The following TBC1D1 variants were observed in gnomAD, a reference collection of about 807,000 sequenced individuals.
TBC1D1 encodes TBC1 (tre-2/USP6, BUB2, cdc16) domain family, member 1.
In TBC1D1, 89 loss-of-function variants were observed where a neutral mutation model predicts 125.6. The ratio of observed to expected loss-of-function variants is 0.71; its 90% confidence interval spans 0.60 to 0.85. The LOEUF is 0.85. Among genes scored for constraint, TBC1D1 ranks in the 40% least tolerant of loss-of-function variants. The pLI is 0.00. For missense variants in TBC1D1, 1,377 were observed against 1,469.2 expected, an observed-to-expected ratio of 0.94 and a Z score of 1.03; for synonymous variants, 565 against 564.1, an observed-to-expected ratio of 1.00 and a Z score of -0.02.
intron 2 of TBC1D1, among the ~76,000 whole-genome samples, chr4:37,925,638 G>T (rs529900597): frequency 2.9e-4 from 43 of 146,248 alleles, no homozygotes; most frequent in African/African-American, 1.1e-3. Flanking sequence ...AGCTAAGATC[G>T]CGCCACTGCA....
intron 2 of TBC1D1, among the ~76,000 whole-genome samples, chr4:37,928,459 T>G (rs530951313): frequency 2.2e-3 from 170 of 78,906 alleles, no homozygotes; most frequent in African/African-American, 4.5e-3. Flanking sequence ...GAAGCTTAGG[T>G]TTTTTTTTGA....
intron 12 of TBC1D1, among the ~76,000 whole-genome samples, chr4:38,087,865 A>G (rs952761309): frequency 4.1e-5 from 5 of 122,948 alleles, no homozygotes; most frequent in East Asian, 4.3e-4. Context: ...AAAAAAAAGA[A>G]AAAAAAAAAA....
intron 11 of TBC1D1, among the ~76,000 whole-genome samples, chr4:38,051,210 T>C (rs1750473881): frequency 6.6e-6 from 1 of 152,192 alleles, no homozygotes; most frequent in African/African-American, 2.4e-5. Flanking sequence ...AATGTAGCTT[T>C]ATAATAGATG....
intron 17 of TBC1D1, among the ~76,000 whole-genome samples, chr4:38,122,080 T>G (rs1356886849): frequency 6.6e-6 from 1 of 152,284 alleles, no homozygotes; most frequent in African/African-American, 2.4e-5. Flanking sequence ...TCTCCGGCCT[T>G]GGAGGGTTGG....
In TBC1D1 at chr4:37,936,952, T is replaced by C. The variant is rs115964045; in HGVS notation, c.417+34440T>C. 4.3e-3 allele frequency among the ~76,000 whole-genome samples: 655 copies of C among 152,344 alleles called. 2 individuals are homozygous for C. The highest frequency in any genetic ancestry group is 0.015 in the African/African-American group (621 of 41,580). ...CCAACCCTGGCAGAAAGAGAATTTA[T>C]TGGACATACATAGGGCAGTTCACAG... On this transcript the variant is annotated intron_variant, in intron 2 of 19. Coordinates refer to ENST00000261439, the MANE Select transcript of TBC1D1 (RefSeq NM_015173.4).
At chr4:37,895,917 C>G (rs1380365085) in intron 1 of TBC1D1, among the ~76,000 whole-genome samples, 3 of 152,086 alleles carry the variant, frequency 2.0e-5, no homozygotes, top group Non-Finnish European at 4.4e-5. Flanking sequence ...ACACACTGCT[C>G]CCGTTGGGGT....
chr4:37,894,681 G>A (rs1714159938), intron 1 of TBC1D1, among the ~76,000 whole-genome samples: 1 of 152,128 alleles, frequency 6.6e-6, no homozygotes, highest in African/African-American at 2.4e-5. Context: ...TACACAGTGA[G>A]CACTCAATAT....
intron 17 of TBC1D1, chr4:38,118,485 T>C (rs950245410): frequency 3.9e-5 from 12 of 307,546 alleles, no homozygotes; most frequent in African/African-American, 2.6e-4. Flanking sequence ...TTTGGAGGAC[T>C]TGGCTGAGGA....
intron 19 of TBC1D1, among the ~76,000 whole-genome samples, chr4:38,136,599 G>A (rs1262712190): frequency 6.6e-6 from 1 of 152,130 alleles, no homozygotes; most frequent in East Asian, 1.9e-4. Flanking sequence ...CAGATTAGAG[G>A]ATTGTTACCA....
chr4:37,984,222 C>T (rs1371969576), intron 2 of TBC1D1, among the ~76,000 whole-genome samples: 1 of 152,146 alleles, frequency 6.6e-6, no homozygotes. Context: ...CTACTATAAA[C>T]ATCTCTGTGT....
At chr4:38,102,281 T>C (rs1012749937) in intron 14 of TBC1D1, among the ~76,000 whole-genome samples, 3 of 152,156 alleles carry the variant, frequency 2.0e-5, no homozygotes, top group Non-Finnish European at 4.4e-5. Flanking sequence ...AGCTTCTCTT[T>C]CATCTGAGCT....
Position 37,997,425 on chromosome 4 carries a change from C to T in TBC1D1, c.418-17084C>T, listed in dbSNP as rs528499219. ...ATTTGGGGGCACTTAGAACTGTATG[C>T]CGTTTCACTTGTACATTAAAAGAGT... On this transcript the variant is annotated intron_variant, in intron 2 of 19. Coordinates refer to ENST00000261439, the MANE Select transcript of TBC1D1 (RefSeq NM_015173.4). Among the ~76,000 whole-genome samples, 79 of 152,242 alleles carry T rather than the reference C, an allele frequency of 5.2e-4. 3 individuals carry two copies. The South Asian group carries it at 0.011, about 21-fold the overall frequency.
intron 18 of TBC1D1, among the ~76,000 whole-genome samples, chr4:38,132,185 GTT>G (rs1161564097): frequency 1.4e-5 from 2 of 144,382 alleles, no homozygotes; most frequent in Admixed American, 6.9e-5. Flanking sequence ...ATCTAGCAGG[GTT>G]TTTTTTTTTT....
chr4:38,077,706 A>G (rs1030621390), intron 12 of TBC1D1, among the ~76,000 whole-genome samples: 2 of 145,716 alleles, frequency 1.4e-5, no homozygotes, highest in Non-Finnish European at 3.0e-5. Context: ...TCAAGTCTTG[A>G]GTCTGGGGAG....
intron 16 of TBC1D1, among the ~76,000 whole-genome samples, chr4:38,117,729 T>A (rs904673697): frequency 2.0e-5 from 3 of 152,202 alleles, no homozygotes; most frequent in Non-Finnish European, 2.9e-5. Flanking sequence ...TTATGAAATG[T>A]TTGCACAAGA....
rs769201347 is a variant in TBC1D1 at position 38,021,691 on chromosome 4, C to T, written c.1183C>T (p.Leu395=). The T allele has an allele frequency of 8.2e-6, 13 of 1,591,628 alleles. No homozygotes were observed. In the African/African-American group the frequency reaches 1.8e-4, roughly 22 times the overall value. Residue 395 remains leucine, a synonymous_variant, in exon 6 of 20, where the codon CTG becomes TTG. Transcript: ENST00000261439. ...GTGTGAGGGCTGCCCCCTGCAAAGC[C>T]TGCACAAGCTCTGTGAGAGGATAGA... is the stretch of plus-strand genomic sequence containing the variant.
intron 12 of TBC1D1, among the ~76,000 whole-genome samples, chr4:38,075,763 T>A (rs1288050111): frequency 6.6e-6 from 1 of 152,080 alleles, no homozygotes; most frequent in African/African-American, 2.4e-5. Context: ...TATAGTAGTT[T>A]ATCTCTTGTC....
chr4:38,127,415 T>C (rs1192237771), intron 18 of TBC1D1, among the ~76,000 whole-genome samples: 3 of 150,648 alleles, frequency 2.0e-5, no homozygotes, highest in Admixed American at 6.6e-5. Flanking sequence ...GACAGAGTCT[T>C]GCTCTGCTAC....
intron 8 of TBC1D1, among the ~76,000 whole-genome samples, chr4:38,042,862 A>G (rs1748659060): frequency 1.3e-5 from 2 of 152,172 alleles, no homozygotes; most frequent in South Asian, 4.1e-4. Context: ...TAACTGCAAC[A>G]AAGAATATAT....
Sources: gnomAD v4.1 joint callset for allele counts (sites outside exome capture counted in the v4.1 genomes callset) on GRCh38, gnomAD v4.1.1 for gene constraint, MANE v1.5 for transcripts, NCBI Gene and HGNC (gene_info 2026-07-23, HGNC 2026-07-21) for gene names.